Variants in ECPAS observed in about 807,000 individuals in gnomAD.
ECPAS encodes the protein proteasome adapter and scaffold protein ECM29.
A neutral mutation model predicts 255.1 loss-of-function variants in ECPAS; 70 were observed. The observed-to-expected ratio is 0.27, with a 90% CI of 0.23 to 0.33. ECPAS has a LOEUF of 0.33. Ranked by LOEUF, ECPAS falls within the 10% of genes least tolerant of loss-of-function variation. The probability of loss-of-function intolerance (pLI) is 1.00; values close to 1 mark genes in which losing one functional copy is unlikely to be tolerated. For missense variants in ECPAS, 1,817 were observed against 2,206.4 expected (o/e 0.82, Z 3.54); for synonymous variants, 784 against 775.0 (o/e 1.01, Z -0.19).
chr9:111,394,492 A>C lies in ECPAS; in HGVS notation c.2777-187T>G, dbSNP rs188113915. 3.4e-4 allele frequency among the ~76,000 whole-genome samples: 52 copies of C among 152,354 alleles called. 1 individual carries two copies. The highest frequency in any genetic ancestry group is 3.2e-3 in the Admixed American group (49 of 15,310). On this transcript the variant is annotated intron_variant, in intron 25 of 49. Coordinates refer to ENST00000684092, the MANE Select transcript of ECPAS (RefSeq NM_001364929.1). ...TCTAGAACCTAGTGTAAACAAAATT[A>C]CATTTCAAAGGTACTCGAGTAACTT...
intron 44 of ECPAS, 35 bp from the exon 45 acceptor site, chr9:111,370,662 A>G (rs2098126212): frequency 6.2e-6 from 10 of 1,606,712 alleles, no homozygotes; most frequent in Non-Finnish European, 8.5e-6. Flanking sequence ...AGAAGTTAAT[A>G]AAGGCTGCAG....
chr9:111,420,003 C>T lies in ECPAS; in HGVS notation c.1559+14G>A. 1 of 1,566,194 alleles carries T rather than the reference C, an allele frequency of 6.4e-7. No homozygotes were observed. The highest frequency in any genetic ancestry group is 8.8e-7 in the Non-Finnish European group (1 of 1,137,100). On this transcript the variant is annotated intron_variant, in intron 16 of 49. Transcript: ENST00000684092. ...AATAAACCAAAATTCAAATTAACAC[C>T]TTTTGAAACTTACGGATCTCCTGCA... is the stretch of plus-strand genomic sequence containing the variant.
intron 25 of ECPAS, among the ~76,000 whole-genome samples, chr9:111,395,414 CAT>C (rs1183867461): frequency 6.6e-6 from 1 of 152,194 alleles, no homozygotes; most frequent in Non-Finnish European, 1.5e-5. Context: ...ATGAGAATGA[CAT>C]AGAACACGCA....
In ECPAS at chr9:111,414,431, C is replaced by T. The variant is rs533941334; in HGVS notation, c.1985G>A (p.Gly662Glu). The T allele has an allele frequency of 6.2e-7, 1 of 1,613,678 alleles. No homozygotes were observed. Among genetic ancestry groups the T allele is most frequent in the Admixed American group, 1.7e-5 (1 of 60,018 alleles). ...TCCTTCGCGTCACATATTCCTACCT[C>T]CAACACCTGCTAACAGCTGCTGAAG... is the stretch of plus-strand genomic sequence containing the variant. ...GLLQQLLAGV[G>E]GLPVMYCLLE... The change falls in exon 19 of 50, where the codon GGA becomes GAA. Residue 662 changes from glycine to glutamate, a missense_variant and splice_region_variant. By Grantham distance (98) the Gly-to-Glu change is moderately conservative. Coordinates refer to ENST00000684092, the MANE Select transcript of ECPAS (RefSeq NM_001364929.1).
At chr9:111,459,771 C>T (rs1330990531) in intron 2 of ECPAS, among the ~76,000 whole-genome samples, 2 of 152,168 alleles carry the variant, frequency 1.3e-5, no homozygotes, top group East Asian at 3.9e-4. Context: ...CTTTAAAAAA[C>T]TGGTTCATTC....
chr9:111,416,039 T>C (rs1210519421), intron 18 of ECPAS, among the ~76,000 whole-genome samples: 4 of 152,112 alleles, frequency 2.6e-5, no homozygotes, highest in African/African-American at 7.2e-5. Context: ...GAACATCCAG[T>C]TTTTTCACAA....
intron 18 of ECPAS, among the ~76,000 whole-genome samples, chr9:111,415,952 C>T (rs1380146616): frequency 6.6e-6 from 1 of 152,116 alleles, no homozygotes; most frequent in Non-Finnish European, 1.5e-5. Context: ...AACTAAATAA[C>T]CCTAACAACC....
intron 21 of ECPAS, 115 bp downstream of exon 21, chr9:111,411,899 A>C: frequency 1.0e-6 from 1 of 957,750 alleles, no homozygotes; most frequent in Non-Finnish European, 1.5e-6. Context: ...ATGGTCATAA[A>C]AGCAAGGAAT....
At chr9:111,398,609 G>C (rs963034309) in intron 24 of ECPAS, among the ~76,000 whole-genome samples, 1 of 151,984 alleles carries the variant, frequency 6.6e-6, no homozygotes, top group Non-Finnish European at 1.5e-5. Flanking sequence ...CGGGGAGGTG[G>C]AAATGGTTAA....
intron 2 of ECPAS, among the ~76,000 whole-genome samples, chr9:111,457,767 T>C (rs569564162): frequency 6.6e-6 from 1 of 152,304 alleles, no homozygotes; most frequent in Non-Finnish European, 1.5e-5. Flanking sequence ...TTAGTGAATA[T>C]AAATTTACAG....
rs78196033 is a variant in ECPAS, at chr9:111,458,522, T to C, written c.23-6967A>G. 2.0e-3 allele frequency among the ~76,000 whole-genome samples: 304 copies of C among 152,150 alleles called. 4 individuals are homozygous for C. The highest frequency in any genetic ancestry group is 1.8e-3 in the Non-Finnish European group (120 of 68,010). ...GAAGTAACTCATAGTGGGCCCCAGA[T>C]TGTTTACGCTAAGAGATAACTCAGG... is the stretch of plus-strand genomic sequence containing the variant. On this transcript the variant is annotated intron_variant, in intron 2 of 49. Coordinates refer to ENST00000684092, the MANE Select transcript of ECPAS (RefSeq NM_001364929.1).
At chr9:111,467,637 C>T (rs1378706399) in intron 2 of ECPAS, among the ~76,000 whole-genome samples, 1 of 152,102 alleles carries the variant, frequency 6.6e-6, no homozygotes, top group African/African-American at 2.4e-5. Context: ...CCTAAGACCA[C>T]CGCTAACACC....
chr9:111,483,143 G>A (rs2098309178), intron 1 of ECPAS, among the ~76,000 whole-genome samples: 1 of 152,114 alleles, frequency 6.6e-6, no homozygotes, highest in South Asian at 2.1e-4. Context: ...GGGGTCAGAC[G>A]GGACGGGCGG....
At chr9:111,462,579 A>G (rs1046111430) in intron 2 of ECPAS, among the ~76,000 whole-genome samples, 2 of 152,148 alleles carry the variant, frequency 1.3e-5, no homozygotes, top group Non-Finnish European at 1.5e-5. Flanking sequence ...CAAAGTATCA[A>G]TGTAGTTTTT....
At chr9:111,387,632 G>A (rs2098151768) in intron 31 of ECPAS, among the ~76,000 whole-genome samples, 1 of 151,418 alleles carries the variant, frequency 6.6e-6, no homozygotes, top group South Asian at 2.1e-4. Flanking sequence ...CAGTTACTGA[G>A]AGACAGTGTC....
In ECPAS at chr9:111,413,890, C is replaced by A; in HGVS notation, c.2079+5G>T. On this transcript the variant is annotated splice_donor_5th_base_variant and intron_variant, in intron 20 of 49. Coordinates refer to ENST00000684092, the MANE Select transcript of ECPAS (RefSeq NM_001364929.1). ...TTTTTAAAAAAAGGTACATGCAGAA[C>A]ATACCTTTATCCATTCTGTTTTGTC... The A allele has an allele frequency of 6.5e-7, 1 of 1,536,526 alleles. No individual in the cohort carries two copies. The highest frequency in any genetic ancestry group is 1.2e-5 in the South Asian group (1 of 82,510).
At chr9:111,459,401 C>T (rs2098270623) in intron 2 of ECPAS, among the ~76,000 whole-genome samples, 1 of 151,996 alleles carries the variant, frequency 6.6e-6, no homozygotes, top group Non-Finnish European at 1.5e-5. Context: ...AATTTTACCT[C>T]CTTTTTAAAT....
intron 2 of ECPAS, among the ~76,000 whole-genome samples, chr9:111,463,559 G>A (rs2098275758): frequency 6.6e-6 from 1 of 152,156 alleles, no homozygotes; most frequent in Admixed American, 6.5e-5. Context: ...AAGTGCAGTA[G>A]GAGTGGCTCA....
At chr9:111,365,962 G>A (rs187592641) in intron 48 of ECPAS, 16 of 438,576 alleles carry the variant, frequency 3.6e-5, no homozygotes, top group African/African-American at 3.2e-4. Flanking sequence ...TACATGTACT[G>A]TCGTTGCAAC....
Sources: allele counts gnomAD v4.1 joint callset (sites outside exome capture counted in the v4.1 genomes callset), GRCh38; gene constraint gnomAD v4.1.1; transcripts MANE v1.5; gene names NCBI Gene and HGNC (gene_info 2026-07-23, HGNC 2026-07-21).